The following CADM2 variants were observed in gnomAD, a reference collection of about 807,000 sequenced individuals.
The protein encoded by CADM2 is cell adhesion molecule 2, also known as immunoglobulin superfamily member 4D.
CADM2 carries 12 observed loss-of-function variants against 49.8 expected under a neutral mutation model. The ratio of observed to expected loss-of-function variants is 0.24; its 90% CI spans 0.15 to 0.39. The LOEUF (loss-of-function observed/expected upper bound fraction) is 0.39. Among genes scored for constraint, CADM2 ranks in the 10% least tolerant of loss-of-function variants. The probability of loss-of-function intolerance (pLI) is 1.00; values close to 1 mark genes in which losing one functional copy is unlikely to be tolerated. For synonymous variants in CADM2, 214 were observed against 175.4 expected, an observed-to-expected ratio of 1.22 and a Z score of -1.74; for missense variants, 378 against 492.3, an observed-to-expected ratio of 0.77 and a Z score of 2.20.
chr3:85,663,068 G>A (rs993176898), intron 1 of CADM2, among the ~76,000 whole-genome samples: 55 of 152,052 alleles, frequency 3.6e-4, no homozygotes, highest in Non-Finnish European at 6.0e-4. Context: ...AACTGCAAAC[G>A]TAGTGGTAGG....
intron 1 of CADM2, among the ~76,000 whole-genome samples, chr3:85,314,386 A>C (rs1378526748): frequency 6.6e-6 from 1 of 151,956 alleles, no homozygotes; most frequent in Admixed American, 6.6e-5. Context: ...CAAAATAATA[A>C]TTTTTTATAT....
At chr3:85,633,062 G>A (rs980151482) in intron 1 of CADM2, among the ~76,000 whole-genome samples, 2 of 151,966 alleles carry the variant, frequency 1.3e-5, no homozygotes, top group Non-Finnish European at 2.9e-5. Context: ...CGTACTATTT[G>A]TGAAGTCTAT....
In CADM2 at chr3:84,959,389, A is replaced by G. The variant is rs905996357; in HGVS notation, c.-219A>G. 8 of 576,494 alleles carry G rather than the reference A, an allele frequency of 1.4e-5. No homozygotes were observed. Among genetic ancestry groups the G allele is most frequent in the East Asian group, 6.1e-5 (2 of 32,876 alleles). The allele number at this position is 576,494 out of a possible 1,614,324, so 35.7% of individuals were successfully genotyped here. ...GCACCACCAGCAGGAGGAGGAGGAGAAGAAACTATTTCGCGATACCCCATT... is the reference window on the plus strand; with the variant it reads ...GCACCACCAGCAGGAGGAGGAGGAGGAGAAACTATTTCGCGATACCCCATT... On this transcript the variant is annotated 5_prime_UTR_variant, in exon 1 of 10. Transcript: ENST00000383699.
chr3:85,131,399 T>C (rs2039223983), intron 1 of CADM2, among the ~76,000 whole-genome samples: 1 of 152,196 alleles, frequency 6.6e-6, no homozygotes, highest in Non-Finnish European at 1.5e-5. Flanking sequence ...TTATTGAAAA[T>C]AGTTATTCTT....
chr3:85,369,132 CTTA>C (rs2033011472), intron 1 of CADM2, among the ~76,000 whole-genome samples: 1 of 152,124 alleles, frequency 6.6e-6, no homozygotes, highest in African/African-American at 2.4e-5. Context: ...CCTTTAAAAT[CTTA>C]TTTCCAATTA....
intron 1 of CADM2, among the ~76,000 whole-genome samples, chr3:85,369,560 G>A (rs1463237204): frequency 4.6e-5 from 7 of 152,018 alleles, no homozygotes; most frequent in Admixed American, 3.9e-4. Flanking sequence ...ACCTGAGGTC[G>A]GGAGTTCGAG....
chr3:85,976,370 C>T (rs903347784), intron 8 of CADM2, among the ~76,000 whole-genome samples: 1 of 151,512 alleles, frequency 6.6e-6, no homozygotes, highest in Non-Finnish European at 1.5e-5. Context: ...AGAAGACAGA[C>T]GTTTCATACA....
chr3:85,557,916 T>A (rs1360127556), intron 1 of CADM2, among the ~76,000 whole-genome samples: 1 of 152,074 alleles, frequency 6.6e-6, no homozygotes, highest in Admixed American at 6.6e-5. Context: ...AATTTCATGC[T>A]TAAACAATAG....
At chr3:85,823,020 T>C (rs2073685528) in intron 3 of CADM2, among the ~76,000 whole-genome samples, 1 of 152,178 alleles carries the variant, frequency 6.6e-6, no homozygotes, top group African/African-American at 2.4e-5. Flanking sequence ...GAAAGATCTT[T>C]AAAGATACCA....
At chr3:85,619,723 A>G (rs967298251) in intron 1 of CADM2, among the ~76,000 whole-genome samples, 1 of 152,174 alleles carries the variant, frequency 6.6e-6, no homozygotes, top group African/African-American at 2.4e-5. Context: ...TTTATAATCA[A>G]GAGGAGACTC....
chr3:85,247,186 T>C (rs1479169911), intron 1 of CADM2, among the ~76,000 whole-genome samples: 1 of 152,000 alleles, frequency 6.6e-6, no homozygotes, highest in Non-Finnish European at 1.5e-5. Context: ...GTGTAGAACA[T>C]TAAACTGTAT....
At chr3:85,488,520 TTTTTGTTTTG>T (rs940406565) in intron 1 of CADM2, among the ~76,000 whole-genome samples, 3 of 152,084 alleles carry the variant, frequency 2.0e-5, no homozygotes, top group African/African-American at 7.2e-5. Flanking sequence ...TATTTATTTA[TTTTTGTTTTG>T]TTTTGTTTTG....
chr3:85,234,679 T>A (rs933114578), intron 1 of CADM2, among the ~76,000 whole-genome samples: 7 of 152,182 alleles, frequency 4.6e-5, no homozygotes, highest in Non-Finnish European at 7.3e-5. Flanking sequence ...TGGTCAGTGA[T>A]GATGATTCAT....
intron 1 of CADM2, among the ~76,000 whole-genome samples, chr3:85,107,574 C>CTCTT (rs755382316): frequency 8.1e-6 from 1 of 123,342 alleles, no homozygotes; most frequent in East Asian, 1.9e-4. Flanking sequence ...CTCTCTTTCT[C>CTCTT]TCTTTCTTTC....
chr3:85,767,900 C>A (rs1437590692), intron 2 of CADM2, among the ~76,000 whole-genome samples: 1 of 152,142 alleles, frequency 6.6e-6, no homozygotes, highest in Non-Finnish European at 1.5e-5. Flanking sequence ...GCATCTTAAA[C>A]TTACGTATGT....
At chr3:85,156,134 T>A (rs2040111222) in intron 1 of CADM2, among the ~76,000 whole-genome samples, 1 of 151,478 alleles carries the variant, frequency 6.6e-6, no homozygotes, top group South Asian at 2.1e-4. Flanking sequence ...AGAGCAGAAC[T>A]GAAGGAAATA....
intron 1 of CADM2, among the ~76,000 whole-genome samples, chr3:85,092,620 C>T (rs1000443008): frequency 1.3e-5 from 2 of 152,146 alleles, no homozygotes; most frequent in African/African-American, 2.4e-5. Flanking sequence ...AGTTTAGCCT[C>T]ATCAGTTTTG....
At chr3:85,619,477 C>A (rs1360668472) in intron 1 of CADM2, among the ~76,000 whole-genome samples, 4 of 152,084 alleles carry the variant, frequency 2.6e-5, no homozygotes, top group African/African-American at 7.2e-5. Context: ...CTCAAAATAT[C>A]CTCTGGTCTG....
intron 1 of CADM2, among the ~76,000 whole-genome samples, chr3:85,310,485 T>A (rs187339995): frequency 2.6e-4 from 39 of 152,302 alleles, no homozygotes; most frequent in African/African-American, 9.4e-4. Context: ...CAAGATCTTT[T>A]CCCTGCCGAA....
Sources: allele counts gnomAD v4.1 joint callset (sites outside exome capture counted in the v4.1 genomes callset), GRCh38; gene constraint gnomAD v4.1.1; transcripts MANE v1.5; gene names NCBI Gene and HGNC (gene_info 2026-07-23, HGNC 2026-07-21).